Variants in SMU1 observed in about 807,000 individuals in gnomAD.
The protein encoded by SMU1 is WD40 repeat-containing protein SMU1.
In SMU1, 2 loss-of-function variants were observed where a neutral mutation model predicts 62.0. The ratio of observed to expected loss-of-function variants is 0.03; its 90% confidence interval spans 0.01 to 0.10. The LOEUF is 0.10. Among genes scored for constraint, SMU1 ranks in the 10% least tolerant of loss-of-function variants. The pLI is 1.00. For synonymous variants in SMU1, 188 were observed against 212.4 expected (o/e 0.89, Z 1.00); for missense variants, 227 against 622.1 (o/e 0.36, Z 6.76).
At chr9:33,065,908 A>G (rs546646635) in intron 4 of SMU1, among the ~76,000 whole-genome samples, 3 of 152,300 alleles carry the variant, frequency 2.0e-5, no homozygotes, top group African/African-American at 7.2e-5. Context: ...TTCAGTGTAC[A>G]CTGGTATGCT....
intron 2 of SMU1, among the ~76,000 whole-genome samples, chr9:33,072,281 G>C (rs1455084696): frequency 2.0e-5 from 3 of 152,066 alleles, no homozygotes; most frequent in Admixed American, 2.0e-4. Context: ...AGAGTGCAGT[G>C]AGCCAAGCTC....
rs1587713471 is a variant in SMU1, at chr9:33,071,728, C to T, written c.390+12G>A. ...GTTAACAAAAAGTTCCTTTTCATTA[C>T]CACAGTCATACCTCACGAGGATCAA... On this transcript the variant is annotated intron_variant, in intron 3 of 11. Transcript: ENST00000397149. 6.3e-7 allele frequency: 1 copy of T among 1,593,510 alleles called. No individual in the cohort carries two copies. Among genetic ancestry groups the T allele is most frequent in the Non-Finnish European group, 8.5e-7 (1 of 1,173,702 alleles).
In SMU1 at chr9:33,055,318, A is replaced by T. The variant is rs144259459; in HGVS notation, c.1122+795T>A. On this transcript the variant is annotated intron_variant, in intron 9 of 11. Coordinates refer to ENST00000397149, the MANE Select transcript of SMU1 (RefSeq NM_018225.3). The stretch of plus-strand genomic sequence containing the variant: ...CAGCCTCCCAAGTAGCTAGGAATAC[A>T]GGTATACGCCACCACCCCTGGCTGT... Among the ~76,000 whole-genome samples the T allele has an allele frequency of 7.7e-3, 1,175 of 152,304 alleles. 12 individuals carry two copies. The highest frequency in any genetic ancestry group is 0.027 in the African/African-American group (1,123 of 41,562).
In SMU1 at chr9:33,061,151, G is replaced by A. The variant is rs80343102; in HGVS notation, c.631-567C>T. ...TCTGATAAATGCATTCTGAGCATTTGCTAGTGAGGATGCTCCCAATAACAG... is the reference window on the plus strand; with the variant it reads ...TCTGATAAATGCATTCTGAGCATTTACTAGTGAGGATGCTCCCAATAACAG... On this transcript the variant is annotated intron_variant, in intron 5 of 11. Coordinates refer to ENST00000397149, the MANE Select transcript of SMU1 (RefSeq NM_018225.3). Among the ~76,000 whole-genome samples, 699 of 152,288 alleles carry A rather than the reference G, an allele frequency of 4.6e-3. 7 individuals are homozygous for A. The highest frequency in any genetic ancestry group is 0.016 in the African/African-American group (653 of 41,558).
chr9:33,042,375 G>A lies in SMU1; in HGVS notation c.*4918C>T, dbSNP rs1839135839. ...GAAAAAACAAAGCCTATGAAACAGA[G>A]CCTATGAAAAAACATTAACCAAGGT... On this transcript the variant is annotated 3_prime_UTR_variant, in exon 12 of 12. Coordinates refer to ENST00000397149, the MANE Select transcript of SMU1 (RefSeq NM_018225.3). 6.6e-6 allele frequency: 1 copy of A among 152,584 alleles called. No individual in the cohort carries two copies. The highest frequency in any genetic ancestry group is 1.5e-5 in the Non-Finnish European group (1 of 68,032). 9.5% of individuals were successfully genotyped at this position (152,584 alleles called of 1,614,324 possible).
At position 33,053,297 on chromosome 9, in the gene SMU1, C is replaced by T; in HGVS notation, c.1123-7G>A. The T allele has an allele frequency of 3.1e-6, 5 of 1,611,418 alleles. No individual in the cohort carries two copies. The highest frequency in any genetic ancestry group is 4.2e-6 in the Non-Finnish European group (5 of 1,179,676). On this transcript the variant is annotated splice_region_variant and splice_polypyrimidine_tract_variant and intron_variant, in intron 9 of 11. Transcript: ENST00000397149. ...TGGTCTTCATATTCCAGATCTACCA[C>T]ACAGAAATTTAAGTTATAAACCTTT... is the stretch of plus-strand genomic sequence containing the variant.
Position 33,056,192 on chromosome 9 carries a change from T to A in SMU1, c.1043A>T (p.His348Leu). ...TGTTGCTTCGTTAACAAAGGAGGAATGGCCACGAAATTCCTTCAGGGTTTT... is the reference window on the plus strand; with the variant it reads ...TGTTGCTTCGTTAACAAAGGAGGAAAGGCCACGAAATTCCTTCAGGGTTTT... ...SGKTLKEFRGHSSFVNEATFT... is the reference protein window; with the variant it reads ...SGKTLKEFRGLSSFVNEATFT... The change falls in exon 9 of 12, where the codon CAT becomes CTT. Residue 348 changes from histidine (H) to leucine (L), a missense_variant. Physicochemically the swap from His to Leu is moderately conservative, Grantham distance 99. Around this residue, in one of 5 missense-constraint regions of SMU1, gnomAD observed 98 missense variants for 195.9 expected, o/e 0.50. Transcript: ENST00000397149. The A allele has an allele frequency of 6.2e-7, 1 of 1,613,406 alleles. No homozygotes were observed. Among genetic ancestry groups the A allele is most frequent in the Non-Finnish European group, 8.5e-7 (1 of 1,179,576 alleles).
In SMU1 at chr9:33,071,881, T is replaced by C. The variant is rs961966992; in HGVS notation, c.249A>G (p.Glu83=). Reference sequence around the variant, plus strand: ...CACCCAATTCACGGAGCTCTATCAATTCCAGAACAACCTGGACAATTAAAA... The same window carrying C: ...CACCCAATTCACGGAGCTCTATCAACTCCAGAACAACCTGGACAATTAAAA... ...LIDLYEQVVL[E]LIELRELGAA... The change falls in exon 3 of 12, where the codon GAA becomes GAG. Residue 83 remains glutamate, a synonymous_variant. Coordinates refer to ENST00000397149, the MANE Select transcript of SMU1 (RefSeq NM_018225.3). 4 of 1,564,650 alleles carry C rather than the reference T, an allele frequency of 2.6e-6. No homozygotes were observed. The highest frequency in any genetic ancestry group is 3.4e-6 in the Non-Finnish European group (4 of 1,162,092).
chr9:33,054,176 C>CTT (rs75382780), intron 9 of SMU1, among the ~76,000 whole-genome samples: 7 of 141,714 alleles, frequency 4.9e-5, no homozygotes, highest in African/African-American at 1.5e-4. Flanking sequence ...CTTTTCTTTT[C>CTT]TTTTTTTTTT....
At position 33,043,570 on chromosome 9, in the gene SMU1, C is replaced by CT. The variant is rs1839148851; in HGVS notation, c.*3722dup. On this transcript the variant is annotated 3_prime_UTR_variant, in exon 12 of 12. Coordinates refer to ENST00000397149, the MANE Select transcript of SMU1 (RefSeq NM_018225.3). ...AGCAAAGACTGACATCCAGAATCCTCTAATTCAGTTCTCTCTACTCATCTC... is the reference window on the plus strand; with the variant it reads ...AGCAAAGACTGACATCCAGAATCCTCTTAATTCAGTTCTCTCTACTCATCTC... The CT allele has an allele frequency of 1.3e-5, 2 of 152,264 alleles. No individual in the cohort carries two copies. Among genetic ancestry groups the CT allele is most frequent in the African/African-American group, 4.8e-5 (2 of 41,464 alleles). 9.4% of individuals were successfully genotyped at this position (152,264 alleles called of 1,614,324 possible).
chr9:33,068,344 T>A (rs1396264394), intron 4 of SMU1, among the ~76,000 whole-genome samples: 1 of 152,168 alleles, frequency 6.6e-6, no homozygotes, highest in East Asian at 1.9e-4. Flanking sequence ...TCTTAACCAC[T>A]AATCTATATT....
intron 9 of SMU1, among the ~76,000 whole-genome samples, chr9:33,053,686 GT>G (rs1457343114): frequency 6.6e-6 from 1 of 152,168 alleles, no homozygotes; most frequent in East Asian, 1.9e-4. Flanking sequence ...GCAGATTTAA[GT>G]TTTGCTTTTT....
rs868315575 is a variant in SMU1 at position 33,047,209 on chromosome 9, T to C, written c.*84A>G. 2.9e-6 allele frequency: 2 copies of C among 690,286 alleles called. No individual in the cohort carries two copies. The highest frequency in any genetic ancestry group is 4.3e-4 in the Middle Eastern group (1 of 2,336). The allele number at this position is 690,286 out of a possible 1,614,324, so 42.8% of individuals were successfully genotyped here. A position where few individuals can be genotyped will look rare whatever the true frequency, so the allele number is the denominator to read the frequency against. The stretch of plus-strand genomic sequence containing the variant: ...AGACAATCTATTTGCTTAGAAAAGC[T>C]GGCAAAAAAAAAAAAAAGCACATTA... On this transcript the variant is annotated 3_prime_UTR_variant, in exon 12 of 12. Transcript: ENST00000397149.
chr9:33,071,604 C>T, intron 3 of SMU1, 136 bp downstream of exon 3: 1 of 896,144 alleles, frequency 1.1e-6, no homozygotes, highest in Non-Finnish European at 1.6e-6. Context: ...CATATATAAA[C>T]AGAGAAGCAT....
At chr9:33,069,353 C>G (rs564386234) in intron 3 of SMU1, among the ~76,000 whole-genome samples, 1 of 152,356 alleles carries the variant, frequency 6.6e-6, no homozygotes, top group East Asian at 1.9e-4. Flanking sequence ...GCTTCACCAC[C>G]TCTAAGTTAA....
intron 10 of SMU1, among the ~76,000 whole-genome samples, chr9:33,050,343 C>T (rs1256783177): frequency 6.6e-6 from 1 of 152,112 alleles, no homozygotes; most frequent in Non-Finnish European, 1.5e-5. Flanking sequence ...TACAACTAAA[C>T]ATACTTTACC....
chr9:33,069,675 GC>G (rs1401951278), intron 3 of SMU1, among the ~76,000 whole-genome samples: 1 of 152,168 alleles, frequency 6.6e-6, no homozygotes, highest in African/African-American at 2.4e-5. Flanking sequence ...AGTGGTGGGT[GC>G]CTGTAATCTC....
At chr9:33,068,575 C>A (rs1839451915) in intron 4 of SMU1, among the ~76,000 whole-genome samples, 1 of 152,078 alleles carries the variant, frequency 6.6e-6, no homozygotes, top group South Asian at 2.1e-4. Context: ...ATGGCATGAT[C>A]ATAGCTGTCA....
chr9:33,051,287 A>G lies in SMU1; in HGVS notation c.1290+1836T>C, dbSNP rs150608786. On this transcript the variant is annotated intron_variant, in intron 10 of 11. Coordinates refer to ENST00000397149, the MANE Select transcript of SMU1 (RefSeq NM_018225.3). ...GGCAAAACTATGGAGACAGAAAAAG[A>G]TCAGTGGTTGCCGGAAGTTAGTGGG... Among the ~76,000 whole-genome samples the G allele has an allele frequency of 4.9e-3, 748 of 152,304 alleles. 9 individuals are homozygous for G. The highest frequency in any genetic ancestry group is 0.017 in the African/African-American group (723 of 41,562).
Sources: gnomAD v4.1 joint callset for allele counts (sites outside exome capture counted in the v4.1 genomes callset) on GRCh38, gnomAD v4.1.1 for gene constraint, gnomAD v4.1.1 regional missense constraint, MANE v1.5 for transcripts, NCBI Gene and HGNC (gene_info 2026-07-23, HGNC 2026-07-21) for gene names.